Variants in ARGFX observed in about 807,000 individuals in gnomAD.
ARGFX encodes the protein arginine-fifty homeobox.
A neutral mutation model predicts 8.0 loss-of-function variants in ARGFX; 10 were observed. The observed-to-expected ratio is 1.25, with a 90% CI of 0.77 to 2.12. ARGFX has a LOEUF of 2.12. Ranked by LOEUF, ARGFX falls within the 30% of genes most tolerant of loss-of-function variation. The probability of loss-of-function intolerance (pLI) is 0.00; values close to 1 mark genes in which losing one functional copy is unlikely to be tolerated. For synonymous variants in ARGFX, 116 were observed against 117.8 expected (o/e 0.98, Z 0.10); for missense variants, 282 against 324.3 (o/e 0.87, Z 1.00).
At chr3:121,578,740 G>A (rs1402733663) in intron 3 of ARGFX, among the ~76,000 whole-genome samples, 3 of 150,414 alleles carry the variant, frequency 2.0e-5, no homozygotes, top group African/African-American at 4.9e-5. Context: ...GCGCGATCTC[G>A]GCTCACTGCA....
chr3:121,577,259 A>ATATATTTT lies in ARGFX; in HGVS notation c.220+360_220+361insATATTTTT, dbSNP rs1403064031. 8.7e-4 allele frequency among the ~76,000 whole-genome samples: 52 copies of ATATATTTT among 59,596 alleles called. 1 individual carries two copies. Among genetic ancestry groups the ATATATTTT allele is most frequent in the South Asian group, 2.1e-3 (3 of 1,420 alleles). The allele number at this position is 59,596 out of a possible 152,430, so 39.1% of individuals were successfully genotyped here. ...TATATATATATATATATATATATATATTTTTTTTTTTTTAAATGGAGTCTC... is the reference window on the plus strand; with the variant it reads ...TATATATATATATATATATATATATATATATTTTTTTTTTTTTTTTTAAATGGAGTCTC... On this transcript the variant is annotated intron_variant, in intron 3 of 4. Transcript: ENST00000334384.
intron 3 of ARGFX, among the ~76,000 whole-genome samples, chr3:121,578,579 A>G (rs367976362): frequency 6.6e-6 from 1 of 152,152 alleles, no homozygotes; most frequent in Admixed American, 6.5e-5. Flanking sequence ...CCCCATCTGT[A>G]TTTAAAAAAT....
intron 4 of ARGFX, 74 bp downstream of exon 4, chr3:121,585,139 C>G: frequency 1.3e-6 from 2 of 1,492,500 alleles, no homozygotes; most frequent in Non-Finnish European, 9.1e-7. Flanking sequence ...AATTCCCCAC[C>G]CTCTACCCCT....
chr3:121,568,617 A>T (rs1576439163), intron 1 of ARGFX, among the ~76,000 whole-genome samples: 1 of 152,352 alleles, frequency 6.6e-6, no homozygotes, highest in East Asian at 1.9e-4. Flanking sequence ...GACCTGATTC[A>T]TTCCCAGCTA....
At chr3:121,573,689 A>G (rs1226905807) in intron 2 of ARGFX, among the ~76,000 whole-genome samples, 2 of 151,766 alleles carry the variant, frequency 1.3e-5, no homozygotes, top group Non-Finnish European at 2.9e-5. Context: ...TCTCTACTAA[A>G]AATACAAAAT....
rs541978803 is a variant in ARGFX, at chr3:121,586,602, C to G, written c.*2C>G. ...ATGGTAGACTTGGGATTTCTCTGACCAGAGTACTAATAAATATAGATCATT... is the reference window on the plus strand; with the variant it reads ...ATGGTAGACTTGGGATTTCTCTGACGAGAGTACTAATAAATATAGATCATT... On this transcript the variant is annotated 3_prime_UTR_variant, in exon 5 of 5. Transcript: ENST00000334384. The G allele has an allele frequency of 1.7e-5, 27 of 1,607,496 alleles. No individual in the cohort carries two copies. The African/African-American group carries it at 1.9e-4, about 11-fold the overall frequency.
At chr3:121,585,347 A>G (rs181110621) in intron 4 of ARGFX, among the ~76,000 whole-genome samples, 2 of 152,250 alleles carry the variant, frequency 1.3e-5, no homozygotes. Flanking sequence ...TAATACTTGT[A>G]CTATAGAGTT....
At chr3:121,578,120 CTTTTTTTTTTT>C (rs35072728) in intron 3 of ARGFX, among the ~76,000 whole-genome samples, 2 of 113,078 alleles carry the variant, frequency 1.8e-5, no homozygotes, top group Non-Finnish European at 3.5e-5. Context: ...CCCTACCCCA[CTTTTTTTTTTT>C]TTTTTTTTTT....
chr3:121,577,265 T>A (rs1423407788), intron 3 of ARGFX, among the ~76,000 whole-genome samples: 18 of 87,530 alleles, frequency 2.1e-4, no homozygotes, highest in Middle Eastern at 7.5e-3. Context: ...ATATATTTTT[T>A]TTTTTTTAAA....
chr3:121,590,021 C>T lies in ARGFX; in HGVS notation c.*3421C>T, dbSNP rs1008630649. On this transcript the variant is annotated 3_prime_UTR_variant, in exon 5 of 5. Transcript: ENST00000334384. ...TTGAAAAGATCTACAAAATGGCAAA[C>T]ATTTAGCTAGATTGACCACCCCCTC... is the stretch of plus-strand genomic sequence containing the variant. 6.6e-6 allele frequency among the ~76,000 whole-genome samples: 1 copy of T among 152,058 alleles called. No individual in the cohort carries two copies. The highest frequency in any genetic ancestry group is 2.4e-5 in the African/African-American group (1 of 41,420).
intron 2 of ARGFX, among the ~76,000 whole-genome samples, chr3:121,573,487 GAAAA>G (rs372853710): frequency 7.1e-6 from 1 of 140,130 alleles, no homozygotes; most frequent in Non-Finnish European, 1.6e-5. Context: ...TCTCAAAAAA[GAAAA>G]AAAAAAGTAA....
rs1349551016 is a variant in ARGFX, at chr3:121,589,853, T to C, written c.*3253T>C. On this transcript the variant is annotated 3_prime_UTR_variant, in exon 5 of 5. Coordinates refer to ENST00000334384, the MANE Select transcript of ARGFX (RefSeq NM_001012659.2). ...ACTTCACTAATATATAGTCATAATG[T>C]GGTATATTCATAGAACATTCTCAAT... is the stretch of plus-strand genomic sequence containing the variant. Among the ~76,000 whole-genome samples the C allele has an allele frequency of 6.6e-6, 1 of 152,136 alleles. No homozygotes were observed. The highest frequency in any genetic ancestry group is 2.4e-5 in the African/African-American group (1 of 41,434).
chr3:121,568,063 C>T lies in ARGFX; in HGVS notation c.-13+50C>T, dbSNP rs531047547. On this transcript the variant is annotated intron_variant, in intron 1 of 4. Coordinates refer to ENST00000334384, the MANE Select transcript of ARGFX (RefSeq NM_001012659.2). ...TAGCCAGAATGTGGGGCTTTAAGTG[C>T]TCAAAGAGGATTTGAAAAATCAAAG... 4.6e-5 allele frequency among the ~76,000 whole-genome samples: 7 copies of T among 152,022 alleles called. No homozygotes were observed. In the East Asian group the frequency reaches 1.4e-3, roughly 29 times the overall value.
Position 121,589,165 on chromosome 3 carries a change from AC to A in ARGFX, c.*2566del, listed in dbSNP as rs1291333120. 6.6e-6 allele frequency among the ~76,000 whole-genome samples: 1 copy of A among 152,214 alleles called. No individual in the cohort carries two copies. Among genetic ancestry groups the A allele is most frequent in the African/African-American group, 2.4e-5 (1 of 41,468 alleles). On this transcript the variant is annotated 3_prime_UTR_variant, in exon 5 of 5. Transcript: ENST00000334384. ...ACTCCAGCTTGAGCAACACAGTGAT[AC>A]TGTCTCAATAAATAAATAAATAGAA...
At chr3:121,571,730 A>T (rs1576440101) in intron 2 of ARGFX, among the ~76,000 whole-genome samples, 1 of 107,102 alleles carries the variant, frequency 9.3e-6, no homozygotes, top group East Asian at 2.8e-4. Context: ...TGCCCGGCAA[A>T]TTTTTTTTTT....
chr3:121,576,749 CTCTT>C (rs1162628395), intron 2 of ARGFX, 31 bp from the exon 3 acceptor site: 5 of 187,304 alleles, frequency 2.7e-5, no homozygotes, highest in East Asian at 2.0e-4. Flanking sequence ...CTTTCTTTTT[CTCTT>C]TCTTTCTTTC....
At position 121,584,204 on chromosome 3, in the gene ARGFX, G is replaced by GAGGAAGCAAGGAAGGAAGGAAGGAAGGA. The variant is rs1181406766; in HGVS notation, c.221-707_221-706insCAAGGAAGGAAGGAAGGAAGGAAGGAAG. Among the ~76,000 whole-genome samples, 69 of 104,312 alleles carry GAGGAAGCAAGGAAGGAAGGAAGGAAGGA rather than the reference G, an allele frequency of 6.6e-4. 2 individuals are homozygous for GAGGAAGCAAGGAAGGAAGGAAGGAAGGA. The highest frequency in any genetic ancestry group is 1.1e-3 in the Non-Finnish European group (61 of 53,606). The allele number at this position is 104,312 out of a possible 152,430, so 68.4% of individuals were successfully genotyped here. A position where few individuals can be genotyped will look rare whatever the true frequency, so the allele number is the denominator to read the frequency against. ...AAAAAAAGAGAGAGAGACAGAGAGAGAGGAAGGAAGGAAGGAAGGAAGGAA... is the reference window on the plus strand; with the variant it reads ...AAAAAAAGAGAGAGAGACAGAGAGAGAGGAAGCAAGGAAGGAAGGAAGGAAGGAAGGAAGGAAGGAAGGAAGGAAGGAA... On this transcript the variant is annotated intron_variant, in intron 3 of 4. Transcript: ENST00000334384.
intron 2 of ARGFX, among the ~76,000 whole-genome samples, chr3:121,571,822 G>A (rs2048710350): frequency 6.8e-6 from 1 of 148,118 alleles, no homozygotes; most frequent in African/African-American, 2.5e-5. Context: ...GACCTTTAGG[G>A]TTTTGTTTGT....
At chr3:121,568,403 A>C (rs76558606) in intron 1 of ARGFX, among the ~76,000 whole-genome samples, 2,004 of 152,342 alleles carry the variant, frequency 0.013, 42 homozygotes, top group African/African-American at 0.045. Flanking sequence ...GGAAGAAGGC[A>C]ATAAAAAATT....
Sources: allele counts gnomAD v4.1 joint callset (sites outside exome capture counted in the v4.1 genomes callset), GRCh38; gene constraint gnomAD v4.1.1; transcripts MANE v1.5; gene names NCBI Gene and HGNC (gene_info 2026-07-23, HGNC 2026-07-21).